The following MACROD2 variants were observed in gnomAD, a reference collection of about 807,000 sequenced individuals.
MACROD2 encodes ADP-ribose glycohydrolase MACROD2.
In MACROD2, 36 loss-of-function variants were observed where a neutral mutation model predicts 70.4. The ratio of observed to expected loss-of-function variants is 0.51; its 90% CI spans 0.39 to 0.68. The LOEUF (loss-of-function observed/expected upper bound fraction) is 0.68, where lower values mean the gene tolerates loss of function less well. Among genes scored for constraint, MACROD2 ranks in the 30% least tolerant of loss-of-function variants. The probability of loss-of-function intolerance (pLI) is 0.00; values close to 1 mark genes in which losing one functional copy is unlikely to be tolerated. For missense variants in MACROD2, 496 were observed against 538.4 expected (o/e 0.92, Z 0.78); for synonymous variants, 172 against 178.8 (o/e 0.96, Z 0.30).
At chr20:15,021,464 A>G (rs909028790) in intron 5 of MACROD2, 2 of 150,342 alleles carry the variant, frequency 1.3e-5, no homozygotes, top group African/African-American at 4.9e-5. Context: ...GTATATACAT[A>G]TATAGGAGAC....
chr20:14,790,691 A>G (rs1371335558), intron 5 of MACROD2, among the ~76,000 whole-genome samples: 1 of 152,120 alleles, frequency 6.6e-6, no homozygotes, highest in African/African-American at 2.4e-5. Flanking sequence ...AGTAGACTCC[A>G]AAGACCAAAA....
intron 2 of MACROD2, among the ~76,000 whole-genome samples, chr20:14,055,811 T>G (rs1338916756): frequency 6.6e-6 from 1 of 152,088 alleles, no homozygotes. Flanking sequence ...AATTACCTGT[T>G]TACTTGTTTG....
intron 6 of MACROD2, among the ~76,000 whole-genome samples, chr20:15,407,645 G>A (rs995249296): frequency 6.6e-6 from 1 of 152,114 alleles, no homozygotes; most frequent in Admixed American, 6.5e-5. Flanking sequence ...CCACTCACTA[G>A]GCACCCAGCC....
chr20:14,674,864 C>G (rs1031507150), intron 4 of MACROD2, among the ~76,000 whole-genome samples: 1 of 152,188 alleles, frequency 6.6e-6, no homozygotes, highest in African/African-American at 2.4e-5. Context: ...AGCGAAGCCT[C>G]TTACTTTTTA....
chr20:14,941,949 AT>A (rs11479452), intron 5 of MACROD2, among the ~76,000 whole-genome samples: 30,077 of 139,442 alleles, frequency 0.22, 3,356 homozygotes, highest in African/African-American at 0.31. Context: ...ATGCCCGGCT[AT>A]TTTTTTTTTT....
At chr20:15,675,249 C>T (rs1012415572) in intron 8 of MACROD2, among the ~76,000 whole-genome samples, 1 of 152,138 alleles carries the variant, frequency 6.6e-6, no homozygotes, top group African/African-American at 2.4e-5. Flanking sequence ...TTTTATTGAT[C>T]TCATAATTTA....
chr20:15,194,677 A>C (rs1349749171), intron 5 of MACROD2, among the ~76,000 whole-genome samples: 1 of 152,166 alleles, frequency 6.6e-6, no homozygotes, highest in Non-Finnish European at 1.5e-5. Context: ...CAATTATATT[A>C]CATAATGACA....
chr20:15,220,936 AAG>A (rs1198555032), intron 5 of MACROD2, among the ~76,000 whole-genome samples: 1 of 152,188 alleles, frequency 6.6e-6, no homozygotes, highest in Non-Finnish European at 1.5e-5. Flanking sequence ...ATGATTGCAG[AAG>A]AGTCTTTCTT....
intron 4 of MACROD2, among the ~76,000 whole-genome samples, chr20:14,626,217 T>C (rs928646868): frequency 1.3e-5 from 2 of 152,108 alleles, no homozygotes; most frequent in Admixed American, 1.3e-4. Flanking sequence ...GTGGGCACAT[T>C]ACATTGGATG....
At chr20:16,013,827 C>A (rs1407955725) in intron 15 of MACROD2, among the ~76,000 whole-genome samples, 1 of 152,210 alleles carries the variant, frequency 6.6e-6, no homozygotes, top group East Asian at 1.9e-4. Context: ...CCTATTACTG[C>A]CAGAAGGTTT....
intron 3 of MACROD2, among the ~76,000 whole-genome samples, chr20:14,286,138 C>G (rs1167315149): frequency 6.6e-6 from 1 of 151,810 alleles, no homozygotes; most frequent in African/African-American, 2.4e-5. Context: ...AAAAATAAAC[C>G]CAATTGATTC....
chr20:14,910,714 A>G (rs767853761), intron 5 of MACROD2, among the ~76,000 whole-genome samples: 2 of 152,124 alleles, frequency 1.3e-5, no homozygotes, highest in African/African-American at 4.8e-5. Context: ...TGCATCTTGG[A>G]GACTCAGTTC....
At chr20:14,699,723 T>G (rs1169682160) in intron 5 of MACROD2, among the ~76,000 whole-genome samples, 1 of 152,192 alleles carries the variant, frequency 6.6e-6, no homozygotes, top group African/African-American at 2.4e-5. Context: ...AACTAATTTC[T>G]TTTCCTCAAG....
intron 3 of MACROD2, among the ~76,000 whole-genome samples, chr20:14,258,833 A>T (rs1412425371): frequency 6.6e-6 from 1 of 152,140 alleles, no homozygotes; most frequent in Non-Finnish European, 1.5e-5. Context: ...TAGATTCTTT[A>T]GTGTTTCAGA....
intron 8 of MACROD2, among the ~76,000 whole-genome samples, chr20:15,635,450 A>G (rs1283326170): frequency 6.6e-6 from 1 of 152,226 alleles, no homozygotes; most frequent in Non-Finnish European, 1.5e-5. Context: ...ACATGGATGC[A>G]GTCAGAAGCC....
chr20:14,327,123 G>A, intron 3 of MACROD2: 1 of 1,613,754 alleles, frequency 6.2e-7, no homozygotes, highest in Non-Finnish European at 8.5e-7. Flanking sequence ...CTTCCAGATA[G>A]GGAATTTTTG....
At chr20:14,786,571 AAG>A (rs563734686) in intron 5 of MACROD2, among the ~76,000 whole-genome samples, 2 of 150,976 alleles carry the variant, frequency 1.3e-5, no homozygotes, top group Non-Finnish European at 1.5e-5. Context: ...GAAAAAAAAA[AAG>A]AGAGAGAGAG....
chr20:16,002,442 G>A (rs1347645654), intron 15 of MACROD2, among the ~76,000 whole-genome samples: 1 of 152,186 alleles, frequency 6.6e-6, no homozygotes, highest in African/African-American at 2.4e-5. Flanking sequence ...TGAGCCCAGT[G>A]TAATCACAAG....
chr20:15,192,239 A>G (rs2071142022), intron 5 of MACROD2, among the ~76,000 whole-genome samples: 1 of 151,938 alleles, frequency 6.6e-6, no homozygotes, highest in Non-Finnish European at 1.5e-5. Context: ...TTGTTTGTAC[A>G]TGTAACTTGG....
Sources: allele counts gnomAD v4.1 joint callset (sites outside exome capture counted in the v4.1 genomes callset), GRCh38; gene constraint gnomAD v4.1.1; transcripts MANE v1.5; gene names NCBI Gene and HGNC (gene_info 2026-07-23, HGNC 2026-07-21).